The following DLG2 variants were observed in gnomAD, a reference collection of about 807,000 sequenced individuals.
DLG2 encodes the protein discs large MAGUK scaffold protein 2, also known as disks large homolog 2.
DLG2 carries 45 observed loss-of-function variants against 132.5 expected under a neutral mutation model. The observed-to-expected ratio is 0.34, with a 90% CI of 0.27 to 0.44. The LOEUF is 0.44. Ranked by LOEUF, DLG2 falls within the 20% of genes least tolerant of loss-of-function variation. DLG2 has a pLI of 1.00. For missense variants in DLG2, 1,045 were observed against 1,196.9 expected (o/e 0.87, Z 1.87); for synonymous variants, 424 against 419.6 (o/e 1.01, Z -0.13).
chr11:83,552,828 G>A (rs1389161102), intron 19 of DLG2, among the ~76,000 whole-genome samples: 1 of 152,170 alleles, frequency 6.6e-6, no homozygotes, highest in Non-Finnish European at 1.5e-5. Flanking sequence ...TATGAAAGTA[G>A]AAGTATTGAT....
At chr11:83,635,865 G>A (rs531626958) in intron 18 of DLG2, among the ~76,000 whole-genome samples, 1 of 152,182 alleles carries the variant, frequency 6.6e-6, no homozygotes, top group East Asian at 1.9e-4. Flanking sequence ...TTGGCAGCAG[G>A]TTAGCAGAGC....
intron 3 of DLG2, among the ~76,000 whole-genome samples, chr11:85,373,209 A>G (rs1299740283): frequency 6.6e-6 from 1 of 152,120 alleles, no homozygotes; most frequent in African/African-American, 2.4e-5. Context: ...CTCTCTGTGC[A>G]AACTGGTAAA....
At chr11:85,079,545 A>G (rs1416687342) in intron 6 of DLG2, among the ~76,000 whole-genome samples, 1 of 150,602 alleles carries the variant, frequency 6.6e-6, no homozygotes, top group Admixed American at 6.6e-5. Flanking sequence ...TGCCAGAGGC[A>G]ACATCAATGG....
intron 18 of DLG2, chr11:83,725,128 G>C (rs1385073443): frequency 1.9e-6 from 1 of 512,946 alleles, no homozygotes; most frequent in African/African-American, 1.9e-5. Context: ...CGTTTTAAAC[G>C]CTGTAACAAA....
intron 4 of DLG2, among the ~76,000 whole-genome samples, chr11:85,238,199 T>TTTTTA (rs993259170): frequency 6.9e-6 from 1 of 144,028 alleles, no homozygotes; most frequent in African/African-American, 2.5e-5. Flanking sequence ...TTATTTTTTA[T>TTTTTA]TTTTATTTTA....
chr11:84,632,002 G>T (rs565282097), intron 6 of DLG2, among the ~76,000 whole-genome samples: 2 of 152,150 alleles, frequency 1.3e-5, no homozygotes, highest in Non-Finnish European at 1.5e-5. Context: ...TTCAATAAAT[G>T]TCATTTCACT....
intron 11 of DLG2, among the ~76,000 whole-genome samples, chr11:84,007,796 C>A (rs1055449066): frequency 2.0e-5 from 3 of 151,632 alleles, no homozygotes; most frequent in African/African-American, 4.8e-5. Context: ...TGTTTAGCTT[C>A]TCTGAGAATC....
At chr11:83,636,347 C>CT (rs928601738) in intron 18 of DLG2, among the ~76,000 whole-genome samples, 26 of 151,910 alleles carry the variant, frequency 1.7e-4, no homozygotes, top group Non-Finnish European at 8.8e-5. Context: ...GCTCAATAAA[C>CT]TTTTTTTTGA....
At position 84,346,618 on chromosome 11, in the gene DLG2, G is replaced by T. The variant is rs143256660; in HGVS notation, c.520-95327C>A. ...TTTTGAAATGGAGTCTTGCTGTGTCGGCAGGCTGCAGTGCAGTGGCACGAT... is the reference window on the plus strand; with the variant it reads ...TTTTGAAATGGAGTCTTGCTGTGTCTGCAGGCTGCAGTGCAGTGGCACGAT... On this transcript the variant is annotated intron_variant, in intron 7 of 27. Transcript: ENST00000376104. Among the ~76,000 whole-genome samples the T allele has an allele frequency of 8.5e-3, 1,294 of 152,100 alleles. 11 individuals are homozygous for T. The highest frequency in any genetic ancestry group is 0.021 in the South Asian group (102 of 4,818).
At chr11:83,754,441 T>A (rs1299154544) in intron 18 of DLG2, among the ~76,000 whole-genome samples, 1 of 151,444 alleles carries the variant, frequency 6.6e-6, no homozygotes, top group East Asian at 1.9e-4. Context: ...TGAAATCTCC[T>A]ATATTTAGGA....
chr11:84,625,975 T>A (rs2154543037), intron 6 of DLG2, among the ~76,000 whole-genome samples: 1 of 152,372 alleles, frequency 6.6e-6, no homozygotes, highest in African/African-American at 2.4e-5. Flanking sequence ...AAGCATAGAA[T>A]GTATTTTTCT....
At chr11:85,482,974 A>G (rs568974403) in intron 3 of DLG2, among the ~76,000 whole-genome samples, 1 of 152,380 alleles carries the variant, frequency 6.6e-6, no homozygotes, top group South Asian at 2.1e-4. Context: ...GAAAATATAC[A>G]TATATCTCTC....
intron 7 of DLG2, among the ~76,000 whole-genome samples, chr11:84,290,352 A>T (rs1476985961): frequency 6.6e-6 from 1 of 152,128 alleles, no homozygotes; most frequent in Non-Finnish European, 1.5e-5. Flanking sequence ...CAAGTGAGAA[A>T]TGTGAAGTCT....
At chr11:84,834,531 G>A (rs2079459357) in intron 6 of DLG2, among the ~76,000 whole-genome samples, 1 of 151,442 alleles carries the variant, frequency 6.6e-6, no homozygotes, top group Non-Finnish European at 1.5e-5. Flanking sequence ...CTATTAGGCA[G>A]GCAGAAAAGA....
intron 9 of DLG2, among the ~76,000 whole-genome samples, chr11:84,104,875 G>A (rs185512709): frequency 2.3e-4 from 35 of 152,062 alleles, no homozygotes; most frequent in Admixed American, 2.0e-3. Context: ...ACTAATCTAT[G>A]TTTCTTACAA....
chr11:83,577,456 A>G (rs1297503257), intron 19 of DLG2, among the ~76,000 whole-genome samples: 2 of 140,950 alleles, frequency 1.4e-5, no homozygotes, highest in African/African-American at 2.6e-5. Context: ...AGGAACTAAT[A>G]GGATATATAT....
intron 4 of DLG2, among the ~76,000 whole-genome samples, chr11:85,158,345 C>T (rs2077748586): frequency 6.6e-6 from 1 of 152,056 alleles, no homozygotes; most frequent in South Asian, 2.1e-4. Context: ...GTTTGTTTAG[C>T]TGAAATATGG....
At chr11:84,535,460 C>A (rs2099353139) in intron 6 of DLG2, among the ~76,000 whole-genome samples, 1 of 152,144 alleles carries the variant, frequency 6.6e-6, no homozygotes, top group South Asian at 2.1e-4. Flanking sequence ...CTCTTGTTCC[C>A]TTTTCCTCTT....
At chr11:85,310,725 G>A (rs544325918) in intron 3 of DLG2, among the ~76,000 whole-genome samples, 73 of 152,278 alleles carry the variant, frequency 4.8e-4, no homozygotes, top group African/African-American at 1.7e-3. Flanking sequence ...TACAGCCATC[G>A]TGCTATTCTG....
Sources: gnomAD v4.1 joint callset for allele counts (sites outside exome capture counted in the v4.1 genomes callset) on GRCh38, gnomAD v4.1.1 for gene constraint, MANE v1.5 for transcripts, NCBI Gene and HGNC (gene_info 2026-07-23, HGNC 2026-07-21) for gene names.